Variants in ERCC1 observed in about 807,000 individuals in gnomAD.
The protein encoded by ERCC1 is DNA excision repair protein ERCC-1.
Under a neutral mutation model 37.6 loss-of-function variants are expected in ERCC1, and 36 were observed. That is an observed-to-expected ratio of 0.96 (90% confidence interval 0.73 to 1.26). The LOEUF is 1.26. Among genes scored for constraint, ERCC1 ranks in the 50% most tolerant of loss-of-function variants. The pLI, the probability that ERCC1 is intolerant of heterozygous loss-of-function variation, is 0.00. For missense variants in ERCC1, 349 were observed against 376.5 expected (o/e 0.93, Z 0.60); for synonymous variants, 156 against 162.1 (o/e 0.96, Z 0.28).
At position 45,408,956 on chromosome 19, in the gene ERCC1, A is replaced by G; in HGVS notation, c.*719T>C. Reference sequence around the variant, plus strand: ...CATCCCTCTGCCCCCTACGAAGAAGAGGAAAAAAGAAAAGGGACAGATGGC... The same window carrying G: ...CATCCCTCTGCCCCCTACGAAGAAGGGGAAAAAAGAAAAGGGACAGATGGC... On this transcript the variant is annotated 3_prime_UTR_variant, in exon 10 of 10. Coordinates refer to ENST00000300853, the MANE Select transcript of ERCC1 (RefSeq NM_001983.4). The G allele has an allele frequency of 1.2e-6, 2 of 1,614,084 alleles. No individual in the cohort carries two copies. Among genetic ancestry groups the G allele is most frequent in the Non-Finnish European group, 1.7e-6 (2 of 1,180,014 alleles).
intron 1 of ERCC1, among the ~76,000 whole-genome samples, chr19:45,437,660 A>T (rs1487564933): frequency 6.6e-6 from 1 of 152,220 alleles, no homozygotes; most frequent in East Asian, 1.9e-4. Flanking sequence ...AGTCGAGCTC[A>T]TAGAAACAGT....
At chr19:45,440,751 G>A (rs1176915532) in intron 1 of ERCC1, among the ~76,000 whole-genome samples, 5 of 152,018 alleles carry the variant, frequency 3.3e-5, no homozygotes, top group Non-Finnish European at 5.9e-5. Context: ...TTGCTCTGTC[G>A]CCCAGGCTGG....
At chr19:45,421,038 G>A in intron 3 of ERCC1, 140 bp downstream of exon 3, 2 of 772,398 alleles carry the variant, frequency 2.6e-6, no homozygotes, top group Non-Finnish European at 4.5e-6. Flanking sequence ...ACACACTGCT[G>A]TCGAATGAAT....
rs752091935 is a variant in ERCC1, at chr19:45,409,074, CAGA to C, written c.*598_*600del. 8 of 1,613,722 alleles carry C rather than the reference CAGA, an allele frequency of 5.0e-6. 1 individual carries two copies. The South Asian group carries it at 8.8e-5, about 18-fold the overall frequency. On this transcript the variant is annotated 3_prime_UTR_variant, in exon 10 of 10. Transcript: ENST00000300853. Reference sequence around the variant, plus strand: ...GGGGGGACCATGGCGCCTCAACAGCCAGAAGGAGCGAAGCCTCAGGCCCAGGCA... The same window carrying C: ...GGGGGGACCATGGCGCCTCAACAGCCAGGAGCGAAGCCTCAGGCCCAGGCA...
intron 1 of ERCC1, 141 bp downstream of exon 1, chr19:45,423,640 C>T: frequency 1.5e-6 from 2 of 1,322,900 alleles, no homozygotes; most frequent in Non-Finnish European, 1.9e-6. Flanking sequence ...CCGTCCCCAC[C>T]ATCCCCCGCC....
intron 1 of ERCC1, among the ~76,000 whole-genome samples, chr19:45,434,012 G>A (rs1974902897): frequency 6.6e-6 from 1 of 151,690 alleles, no homozygotes; most frequent in South Asian, 2.1e-4. Flanking sequence ...ATGGTGGCAT[G>A]CGCCTGTAGT....
chr19:45,434,034 G>A (rs1018637537), intron 1 of ERCC1, among the ~76,000 whole-genome samples: 12 of 151,172 alleles, frequency 7.9e-5, no homozygotes, highest in African/African-American at 2.9e-4. Flanking sequence ...CCAGCTACTC[G>A]GGAGGAGGCT....
At chr19:45,413,841 G>A (rs2123467523) in intron 8 of ERCC1, 96 bp from the exon 9 acceptor site, 2 of 1,591,256 alleles carry the variant, frequency 1.3e-6, no homozygotes, top group South Asian at 1.1e-5. Flanking sequence ...GGGGAGATGA[G>A]GGCCTGTGGG....
chr19:45,430,951 CATA>C (rs1017818926), intron 1 of ERCC1, among the ~76,000 whole-genome samples: 1 of 151,718 alleles, frequency 6.6e-6, no homozygotes, highest in African/African-American at 2.4e-5. Flanking sequence ...TATGATACAC[CATA>C]ATAATAATAC....
intron 8 of ERCC1, 25 bp downstream of exon 8, chr19:45,413,938 A>T: frequency 5.0e-6 from 8 of 1,609,778 alleles, no homozygotes; most frequent in Non-Finnish European, 6.8e-6. Flanking sequence ...AGAAATGCCT[A>T]TGGGGCAGGG....
chr19:45,435,907 C>T (rs1384256184), intron 1 of ERCC1, among the ~76,000 whole-genome samples: 1 of 152,100 alleles, frequency 6.6e-6, no homozygotes, highest in African/African-American at 2.4e-5. Context: ...GGAGTACAGA[C>T]ATGTACCACC....
At chr19:45,430,577 AG>A (rs1228023474) in intron 1 of ERCC1, among the ~76,000 whole-genome samples, 1 of 152,150 alleles carries the variant, frequency 6.6e-6, no homozygotes, top group African/African-American at 2.4e-5. Flanking sequence ...AAAGAACCTT[AG>A]GGGGTTCCCC....
Position 45,421,198 on chromosome 19 carries a change from T to C in ERCC1, c.301A>G (p.Ile101Val). The C allele has an allele frequency of 1.9e-6, 3 of 1,614,156 alleles. No homozygotes were observed. Among genetic ancestry groups the C allele is most frequent in the Non-Finnish European group, 2.5e-6 (3 of 1,180,020 alleles). Residue 101 changes from isoleucine (I) to valine (V), a missense_variant, in exon 3 of 10, where the codon ATC becomes GTC. Coordinates refer to ENST00000300853, the MANE Select transcript of ERCC1 (RefSeq NM_001983.4). ...ALKPGAKSNS[I>V]IVSPRQRGNP... is the part of the protein sequence containing the mutation. ...CTCACCTGCCGAGGGCTCACAATGA[T>C]GCTGTTGGATTTTGCCCCGGGTTTC...
chr19:45,412,111 G>A (rs545834203), intron 9 of ERCC1, among the ~76,000 whole-genome samples: 2 of 151,838 alleles, frequency 1.3e-5, no homozygotes, highest in South Asian at 2.1e-4. Flanking sequence ...CACCCGCCTC[G>A]GCCTCCCAAA....
chr19:45,430,083 C>T (rs1220152289), intron 1 of ERCC1, among the ~76,000 whole-genome samples: 1 of 152,176 alleles, frequency 6.6e-6, no homozygotes, highest in African/African-American at 2.4e-5. Flanking sequence ...CGCGTCCAGC[C>T]GGAGCAATTC....
chr19:45,450,196 C>A (rs1967070568), intron 1 of ERCC1, among the ~76,000 whole-genome samples: 1 of 152,152 alleles, frequency 6.6e-6, no homozygotes, highest in Admixed American at 6.6e-5. Flanking sequence ...TCCTTGCTAG[C>A]CCTGTATCTC....
At chr19:45,417,202 G>A (rs1599825374) in intron 5 of ERCC1, among the ~76,000 whole-genome samples, 1 of 152,228 alleles carries the variant, frequency 6.6e-6, no homozygotes, top group East Asian at 1.9e-4. Flanking sequence ...CCTACTGGGT[G>A]CCTGGCCCGT....
intron 9 of ERCC1, 35 bp from the exon 10 acceptor site, chr19:45,409,760 C>T (rs749818530): frequency 1.3e-6 from 1 of 768,448 alleles, no homozygotes; most frequent in South Asian, 1.4e-5. Context: ...AGGAACCAGT[C>T]ATTAAAGGAG....
intron 5 of ERCC1, among the ~76,000 whole-genome samples, chr19:45,417,989 A>AC (rs1974162050): frequency 6.6e-6 from 1 of 151,970 alleles, no homozygotes; most frequent in African/African-American, 2.4e-5. Context: ...ACTGCACCCA[A>AC]CCCAATGGAA....
Sources: gnomAD v4.1 joint callset for allele counts (sites outside exome capture counted in the v4.1 genomes callset) on GRCh38, gnomAD v4.1.1 for gene constraint, MANE v1.5 for transcripts, NCBI Gene and HGNC (gene_info 2026-07-23, HGNC 2026-07-21) for gene names.